COL6A6: variants seen among roughly 807,000 people sequenced by gnomAD.
COL6A6 encodes the protein collagen type VI alpha 6 chain.
Under a neutral mutation model 208.6 loss-of-function variants are expected in COL6A6, and 183 were observed. That is an observed-to-expected ratio of 0.88 (90% CI 0.78 to 0.99). The LOEUF is 0.99. COL6A6 is among the 50% of genes least tolerant of loss of function. The probability of loss-of-function intolerance (pLI) is 0.00; values close to 1 mark genes in which losing one functional copy is unlikely to be tolerated. For synonymous variants in COL6A6, 973 were observed against 1,011.8 expected, an observed-to-expected ratio of 0.96 and a Z score of 0.73; for missense variants, 2,816 against 2,815.2, an observed-to-expected ratio of 1.00 and a Z score of -0.01.
chr3:130,659,112 A>AT (rs762196858), intron 34 of COL6A6, among the ~76,000 whole-genome samples: 101 of 152,344 alleles, frequency 6.6e-4, no homozygotes, highest in Non-Finnish European at 1.2e-3. Context: ...TAAATCTCAA[A>AT]TGTTCACAGC....
At chr3:130,560,556 G>A in intron 2 of COL6A6, 128 bp downstream of exon 2, 1 of 719,626 alleles carries the variant, frequency 1.4e-6, no homozygotes, top group East Asian at 2.8e-5. Context: ...GAGATTAAGG[G>A]CGGTAAGTCA....
At chr3:130,668,633 T>C (rs1419288690) in intron 36 of COL6A6, among the ~76,000 whole-genome samples, 1 of 152,180 alleles carries the variant, frequency 6.6e-6, no homozygotes, top group African/African-American at 2.4e-5. Flanking sequence ...TAATATATAC[T>C]TTTAAATCAT....
intron 32 of COL6A6, among the ~76,000 whole-genome samples, chr3:130,645,934 T>A (rs1402904139): frequency 6.6e-6 from 1 of 152,188 alleles, no homozygotes; most frequent in Non-Finnish European, 1.5e-5. Context: ...TAAGAATATT[T>A]GTTGAAAGCC....
intron 23 of COL6A6, among the ~76,000 whole-genome samples, chr3:130,619,033 A>G (rs933264947): frequency 6.6e-6 from 1 of 152,134 alleles, no homozygotes; most frequent in Non-Finnish European, 1.5e-5. Flanking sequence ...AAAACCAACA[A>G]ATTAAACACA....
intron 28 of COL6A6, among the ~76,000 whole-genome samples, chr3:130,639,968 C>T (rs2065264918): frequency 6.6e-6 from 1 of 152,184 alleles, no homozygotes; most frequent in Non-Finnish European, 1.5e-5. Context: ...TACATACCCT[C>T]ATTTACTCTC....
Position 130,590,485 on chromosome 3 carries a change from T to A in COL6A6, c.4219-556T>A, listed in dbSNP as rs55780258. On this transcript the variant is annotated intron_variant, in intron 12 of 36. Coordinates refer to ENST00000358511, the MANE Select transcript of COL6A6 (RefSeq NM_001102608.3). The stretch of plus-strand genomic sequence containing the variant: ...CTCCCCCCACCCCACGACAGGCCCC[T>A]GTGTGTGATGTTCCCCTTCCTGTGT... Among the ~76,000 whole-genome samples the A allele has an allele frequency of 4.6e-3, 472 of 102,834 alleles. 4 individuals are homozygous for A. Among genetic ancestry groups the A allele is most frequent in the African/African-American group, 0.017 (449 of 27,108 alleles). The allele number at this position is 102,834 out of a possible 152,430, so 67.5% of individuals were successfully genotyped here.
At chr3:130,558,644 CTT>C (rs1289191481) in intron 1 of COL6A6, among the ~76,000 whole-genome samples, 2 of 152,168 alleles carry the variant, frequency 1.3e-5, no homozygotes. Context: ...TGTTTGCAAA[CTT>C]TTGACATTGG....
At chr3:130,544,167 TC>T (rs1170532906) in intron 1 of COL6A6, among the ~76,000 whole-genome samples, 1 of 152,138 alleles carries the variant, frequency 6.6e-6, no homozygotes, top group East Asian at 1.9e-4. Flanking sequence ...TCCTCCTGCT[TC>T]CCCCAGTAAT....
intron 25 of COL6A6, 102 bp from the exon 26 acceptor site, chr3:130,627,217 T>C (rs2064916291): frequency 9.3e-7 from 1 of 1,078,214 alleles, no homozygotes; most frequent in East Asian, 2.4e-5. Flanking sequence ...TGTCCTGCTT[T>C]TCCTTTATCA....
chr3:130,536,484 G>A (rs920801579), intron 1 of COL6A6, among the ~76,000 whole-genome samples: 1 of 152,228 alleles, frequency 6.6e-6, no homozygotes, highest in Middle Eastern at 3.2e-3. Context: ...TAGATTCGCT[G>A]ACGAAGACAA....
chr3:130,640,859 CT>C (rs962175386), intron 28 of COL6A6, among the ~76,000 whole-genome samples: 5 of 152,042 alleles, frequency 3.3e-5, no homozygotes, highest in Non-Finnish European at 1.5e-5. Context: ...TTTTTCTAGA[CT>C]TTTTGCTTTT....
At chr3:130,579,950 A>G (rs1282011011) in intron 8 of COL6A6, among the ~76,000 whole-genome samples, 2 of 152,236 alleles carry the variant, frequency 1.3e-5, no homozygotes, top group Non-Finnish European at 2.9e-5. Context: ...ATCATTTGTC[A>G]ATTCAAATTA....
intron 1 of COL6A6, among the ~76,000 whole-genome samples, chr3:130,518,102 C>T (rs1231343178): frequency 6.6e-6 from 1 of 151,962 alleles, no homozygotes; most frequent in Non-Finnish European, 1.5e-5. Flanking sequence ...CTTTTTTGTC[C>T]TTTTGTGACA....
At position 130,621,802 on chromosome 3, in the gene COL6A6, A is replaced by C; in HGVS notation, c.4816-19A>C. 1 of 1,610,652 alleles carries C rather than the reference A, an allele frequency of 6.2e-7. No individual in the cohort carries two copies. The highest frequency in any genetic ancestry group is 8.5e-7 in the Non-Finnish European group (1 of 1,178,202). On this transcript the variant is annotated intron_variant, in intron 23 of 36. Transcript: ENST00000358511. ...GCTTTATGTTTTGCTATATTTGCAA[A>C]CCCCTTGTTTTGTTTCAGGGGCCTC...
At position 130,570,857 on chromosome 3, in the gene COL6A6, T is replaced by C; in HGVS notation, c.2441T>C (p.Ile814Thr). The C allele has an allele frequency of 1.2e-6, 2 of 1,613,738 alleles. No homozygotes were observed. The highest frequency in any genetic ancestry group is 8.5e-7 in the Non-Finnish European group (1 of 1,179,722). Residue 814 changes from isoleucine to threonine, a missense_variant, in exon 7 of 37, where the codon ATT (isoleucine) becomes ACT (threonine). Physicochemically the swap from Ile to Thr is moderately conservative, Grantham distance 89. Coordinates refer to ENST00000358511, the MANE Select transcript of COL6A6 (RefSeq NM_001102608.3). ...GAAGTTTTAGACGTTGTGTTTGTCA[T>C]TGATAGCTCTGGCAGTATTGACTAT... The part of the protein sequence containing the change: ...RIEVLDVVFV[I>T]DSSGSIDYDE...
In COL6A6 at chr3:130,675,436, A is replaced by G; in HGVS notation, c.*39A>G. 1 of 1,444,892 alleles carries G rather than the reference A, an allele frequency of 6.9e-7. No individual in the cohort carries two copies. Among genetic ancestry groups the G allele is most frequent in the Non-Finnish European group, 9.3e-7 (1 of 1,075,120 alleles). 89.5% of individuals were successfully genotyped at this position (1,444,892 alleles called of 1,614,324 possible). A position where few individuals can be genotyped will look rare whatever the true frequency, so the allele number is the denominator to read the frequency against. On this transcript the variant is annotated 3_prime_UTR_variant, in exon 37 of 37. Transcript: ENST00000358511. ...CAACTTAGCCTTAGGAAGCATGGTA[A>G]GACTCTGGACTTAAATAGTAACTAA... is the stretch of plus-strand genomic sequence containing the variant.
At chr3:130,534,648 T>C (rs564501376) in intron 1 of COL6A6, among the ~76,000 whole-genome samples, 2 of 152,308 alleles carry the variant, frequency 1.3e-5, no homozygotes, top group South Asian at 2.1e-4. Context: ...CTCAGGCGTA[T>C]GTTTTCCTTG....
At chr3:130,584,060 C>T (rs1356332797) in intron 10 of COL6A6, among the ~76,000 whole-genome samples, 1 of 151,988 alleles carries the variant, frequency 6.6e-6, no homozygotes, top group Admixed American at 6.6e-5. Context: ...AATTGAATAC[C>T]CTAGAATCTA....
intron 28 of COL6A6, among the ~76,000 whole-genome samples, chr3:130,636,539 A>G (rs900234813): frequency 6.6e-6 from 1 of 152,132 alleles, no homozygotes; most frequent in Non-Finnish European, 1.5e-5. Context: ...GTCTTAATTT[A>G]TCATGTCAAT....
Sources: allele counts gnomAD v4.1 joint callset (sites outside exome capture counted in the v4.1 genomes callset), GRCh38; gene constraint gnomAD v4.1.1; transcripts MANE v1.5; gene names NCBI Gene and HGNC (gene_info 2026-07-23, HGNC 2026-07-21).